The following RASGRF2 variants were observed in gnomAD, a reference collection of about 807,000 sequenced individuals.
The protein encoded by RASGRF2 is Ras protein specific guanine nucleotide releasing factor 2, also known as ras-specific guanine nucleotide-releasing factor 2.
RASGRF2 carries 76 observed loss-of-function variants against 151.0 expected under a neutral mutation model. The observed-to-expected ratio is 0.50, with a 90% CI of 0.42 to 0.61. The LOEUF (loss-of-function observed/expected upper bound fraction) is 0.61. Ranked by LOEUF, RASGRF2 falls within the 20% of genes least tolerant of loss-of-function variation. The pLI, the probability that RASGRF2 is intolerant of heterozygous loss-of-function variation, is 0.00. For missense variants in RASGRF2, 1,148 were observed against 1,564.6 expected (o/e 0.73, Z 4.49); for synonymous variants, 504 against 566.5 (o/e 0.89, Z 1.57).
chr5:81,134,072 T>TTGTGCG (rs1554036778), intron 17 of RASGRF2, among the ~76,000 whole-genome samples: 27 of 78,194 alleles, frequency 3.5e-4, no homozygotes, highest in African/African-American at 1.3e-3. Flanking sequence ...TAGGAAATGC[T>TTGTGCG]TGTGTGCGTG....
At chr5:81,011,718 G>C (rs1368534813) in intron 1 of RASGRF2, among the ~76,000 whole-genome samples, 1 of 150,134 alleles carries the variant, frequency 6.7e-6, no homozygotes, top group Non-Finnish European at 1.5e-5. Context: ...TCCAGCCTGG[G>C]CAACAAGAGC....
intron 17 of RASGRF2, among the ~76,000 whole-genome samples, chr5:81,150,519 C>T (rs1754108871): frequency 6.6e-6 from 1 of 152,064 alleles, no homozygotes. Context: ...GATCTCCAGC[C>T]CCTATCGTCA....
At chr5:81,183,172 A>G (rs1287195368) in intron 18 of RASGRF2, 2 of 983,050 alleles carry the variant, frequency 2.0e-6, no homozygotes, top group African/African-American at 3.5e-5. Context: ...CACATGGTGA[A>G]CTACCCAGGG....
chr5:81,097,966 G>C (rs1331664268), intron 12 of RASGRF2, among the ~76,000 whole-genome samples: 1 of 152,184 alleles, frequency 6.6e-6, no homozygotes, highest in African/African-American at 2.4e-5. Flanking sequence ...GTTGAGGATG[G>C]GCTGAGGGCA....
chr5:80,995,694 T>TG, intron 1 of RASGRF2, among the ~76,000 whole-genome samples: 1 of 50,304 alleles, frequency 2.0e-5, no homozygotes. Flanking sequence ...TCCCCCCCCC[T>TG]TTTTTTTTTT....
At chr5:81,201,093 A>G (rs1290075289) in intron 18 of RASGRF2, among the ~76,000 whole-genome samples, 1 of 152,064 alleles carries the variant, frequency 6.6e-6, no homozygotes, top group African/African-American at 2.4e-5. Flanking sequence ...CTCAACACTG[A>G]CTGCACATTT....
chr5:80,969,315 T>C (rs1450999810), intron 1 of RASGRF2, among the ~76,000 whole-genome samples: 1 of 151,624 alleles, frequency 6.6e-6, no homozygotes, highest in Non-Finnish European at 1.5e-5. Context: ...ATTCTTTTTT[T>C]AGTAGAGACA....
intron 18 of RASGRF2, among the ~76,000 whole-genome samples, chr5:81,194,545 A>G (rs779116615): frequency 2.0e-5 from 3 of 152,158 alleles, no homozygotes; most frequent in South Asian, 4.1e-4. Context: ...CTCATCTCAC[A>G]ATAGCATCTC....
At chr5:81,085,968 T>G in intron 8 of RASGRF2, 57 bp downstream of exon 8, 7 of 1,610,324 alleles carry the variant, frequency 4.3e-6, no homozygotes, top group Non-Finnish European at 3.4e-6. Context: ...GTTAGTCTCT[T>G]GTGGAAACCT....
Position 81,215,898 on chromosome 5 carries a change from T to C in RASGRF2, c.3377T>C (p.Leu1126Pro). ...SKQTKALMDK[L>P]QKTVSSEGRF... ...TAGACAAAAGCTCTAATGGACAAAC[T>C]TCAAAAGACTGTTTCCTCTGAAGGA... is the stretch of plus-strand genomic sequence containing the variant. Residue 1126 changes from leucine (L) to proline (P), a missense_variant, in exon 24 of 27, where the codon CTT (leucine) becomes CCT (proline). Leu to Pro is a moderately conservative substitution (Grantham distance 98). This residue lies in a region of RASGRF2 where 100 missense variants were observed against 148.2 expected (regional missense o/e 0.67). Coordinates refer to ENST00000265080, the MANE Select transcript of RASGRF2 (RefSeq NM_006909.3). 3.9e-6 allele frequency: 6 copies of C among 1,551,936 alleles called. No homozygotes were observed. The highest frequency in any genetic ancestry group is 5.2e-6 in the Non-Finnish European group (6 of 1,157,904).
chr5:81,095,003 G>T lies in RASGRF2; in HGVS notation c.1755+11G>T. ...AGTGACATCAGTCAGGTAAGAAAGT[G>T]GCTTTTGCCAAATTTTTGTTTTTTA... On this transcript the variant is annotated intron_variant, in intron 12 of 26. Transcript: ENST00000265080. The T allele has an allele frequency of 1.4e-6, 2 of 1,409,316 alleles. No individual in the cohort carries two copies. The highest frequency in any genetic ancestry group is 1.8e-5 in the South Asian group (1 of 55,546). The allele number at this position is 1,409,316 out of a possible 1,614,324, so 87.3% of individuals were successfully genotyped here. A position where few individuals can be genotyped will look rare whatever the true frequency, so the allele number is the denominator to read the frequency against.
Position 80,986,973 on chromosome 5 carries a change from A to G in RASGRF2, c.288+25947A>G, listed in dbSNP as rs141273156. Among the ~76,000 whole-genome samples, 439 of 152,244 alleles carry G rather than the reference A, an allele frequency of 2.9e-3. 1 individual carries two copies. The highest frequency in any genetic ancestry group is 5.0e-3 in the Non-Finnish European group (342 of 68,004). Reference sequence around the variant, plus strand: ...CACACTGCCCCCATATCTGGGCCCCAGTCACACCATACAAAGCTAGTCATC... The same window carrying G: ...CACACTGCCCCCATATCTGGGCCCCGGTCACACCATACAAAGCTAGTCATC... On this transcript the variant is annotated intron_variant, in intron 1 of 26. Coordinates refer to ENST00000265080, the MANE Select transcript of RASGRF2 (RefSeq NM_006909.3).
Position 81,226,706 on chromosome 5 carries a change from G to A in RASGRF2, c.*936G>A, listed in dbSNP as rs1411305565. On this transcript the variant is annotated 3_prime_UTR_variant, in exon 27 of 27. Transcript: ENST00000265080. ...TTCTTTCCCCACTCATAGTACTGCA[G>A]GAATCTATTCTCATTTACACAGACC... 1 of 152,180 alleles carries A rather than the reference G, an allele frequency of 6.6e-6. No individual in the cohort carries two copies. Among genetic ancestry groups the A allele is most frequent in the East Asian group, 1.9e-4 (1 of 5,192 alleles). 9.4% of individuals were successfully genotyped at this position (152,180 alleles called of 1,614,324 possible). A position where few individuals can be genotyped will look rare whatever the true frequency, so the allele number is the denominator to read the frequency against.
chr5:81,225,774 T>TACA lies in RASGRF2; in HGVS notation c.*4_*5insACA. On this transcript the variant is annotated 3_prime_UTR_variant, in exon 27 of 27. Transcript: ENST00000265080. ...TGAACCTCGACTCCCTGCTTGAAGA[T>TACA]CTGGCCTTGCCCCTGAGTCCACGGG... 6.2e-7 allele frequency: 1 copy of TACA among 1,611,524 alleles called. No individual in the cohort carries two copies. Among genetic ancestry groups the TACA allele is most frequent in the South Asian group, 1.1e-5 (1 of 90,372 alleles).
intron 26 of RASGRF2, among the ~76,000 whole-genome samples, chr5:81,221,845 C>T (rs957088210): frequency 1.3e-4 from 20 of 152,214 alleles, no homozygotes; most frequent in African/African-American, 2.6e-4. Flanking sequence ...GGCATGGTGG[C>T]GGGCAGCTGT....
chr5:80,965,666 T>G (rs1286283043), intron 1 of RASGRF2, among the ~76,000 whole-genome samples: 2 of 152,174 alleles, frequency 1.3e-5, no homozygotes, highest in Non-Finnish European at 2.9e-5. Flanking sequence ...ATACTTGTAG[T>G]GTTATAACAA....
chr5:81,166,214 T>C (rs1459499101), intron 17 of RASGRF2, among the ~76,000 whole-genome samples: 1 of 151,950 alleles, frequency 6.6e-6, no homozygotes, highest in Non-Finnish European at 1.5e-5. Flanking sequence ...TGAGATGGAG[T>C]CTTGCTCTGT....
At chr5:81,083,216 T>C (rs570899511) in intron 7 of RASGRF2, among the ~76,000 whole-genome samples, 1 of 152,220 alleles carries the variant, frequency 6.6e-6, no homozygotes, top group Admixed American at 6.5e-5. Context: ...TTCTGCATGT[T>C]TGCCTTGCTC....
At chr5:81,221,174 C>T (rs538378188) in intron 26 of RASGRF2, among the ~76,000 whole-genome samples, 4 of 152,246 alleles carry the variant, frequency 2.6e-5, no homozygotes, top group African/African-American at 7.2e-5. Context: ...TGGGTGTCTC[C>T]ACTGTAAAGT....
Sources: gnomAD v4.1 joint callset for allele counts (sites outside exome capture counted in the v4.1 genomes callset) on GRCh38, gnomAD v4.1.1 for gene constraint, gnomAD v4.1.1 regional missense constraint, MANE v1.5 for transcripts, NCBI Gene and HGNC (gene_info 2026-07-23, HGNC 2026-07-21) for gene names.